DZIP1L: variants seen among roughly 807,000 people sequenced by gnomAD.
DZIP1L encodes the protein cilium assembly protein DZIP1L.
DZIP1L carries 90 observed loss-of-function variants against 88.7 expected under a neutral mutation model. That is an observed-to-expected ratio of 1.02 (90% CI 0.86 to 1.21). The LOEUF is 1.21. DZIP1L is among the 50% of genes most tolerant of loss of function. The pLI, the probability that DZIP1L is intolerant of heterozygous loss-of-function variation, is 0.00. For missense variants in DZIP1L, 932 were observed against 955.8 expected, an observed-to-expected ratio of 0.98 and a Z score of 0.33; for synonymous variants, 363 against 372.1, an observed-to-expected ratio of 0.98 and a Z score of 0.28.
intron 15 of DZIP1L, 62 bp downstream of exon 15, chr3:138,064,566 C>T: frequency 1.2e-6 from 2 of 1,613,750 alleles, no homozygotes; most frequent in South Asian, 1.1e-5. Flanking sequence ...CCCAGGCCCC[C>T]CAAACTCAGA....
intron 6 of DZIP1L, among the ~76,000 whole-genome samples, chr3:138,087,707 A>G (rs774776037): frequency 3.3e-5 from 5 of 152,240 alleles, no homozygotes; most frequent in Non-Finnish European, 7.3e-5. Flanking sequence ...GCTAGACTTT[A>G]CATTTTTTCT....
chr3:138,105,003 T>C (rs2042440566), intron 1 of DZIP1L, among the ~76,000 whole-genome samples: 3 of 152,144 alleles, frequency 2.0e-5, no homozygotes, highest in Admixed American at 2.0e-4. Flanking sequence ...AAAGAAAAAG[T>C]AGAAGAAAGC....
intron 3 of DZIP1L, among the ~76,000 whole-genome samples, chr3:138,096,829 A>G (rs1944494533): frequency 6.6e-6 from 1 of 152,188 alleles, no homozygotes; most frequent in Non-Finnish European, 1.5e-5. Context: ...GTTTTACTTA[A>G]TGGCATTTTT....
intron 7 of DZIP1L, 125 bp from the exon 8 acceptor site, chr3:138,084,378 C>T: frequency 7.6e-7 from 1 of 1,308,860 alleles, no homozygotes; most frequent in Non-Finnish European, 1.0e-6. Context: ...GAGACCTGGA[C>T]AGGCTTTCTA....
rs556765378 is a variant in DZIP1L, at chr3:138,111,946, G to A, written c.-82+3382C>T. Among the ~76,000 whole-genome samples the A allele has an allele frequency of 2.0e-5, 3 of 151,166 alleles. 1 individual carries two copies. In the South Asian group the frequency reaches 6.3e-4, roughly 32 times the overall value. On this transcript the variant is annotated intron_variant, in intron 1 of 15. Coordinates refer to ENST00000327532, the MANE Select transcript of DZIP1L (RefSeq NM_173543.3). Reference sequence around the variant, plus strand: ...GGAGGTGGAAGTTGCAGTCAGCCGTGAGCAGAGACTGTGCCATTGCACTCC... The same window carrying A: ...GGAGGTGGAAGTTGCAGTCAGCCGTAAGCAGAGACTGTGCCATTGCACTCC...
Position 138,097,756 on chromosome 3 carries a change from G to A in DZIP1L, c.586+7C>T, listed in dbSNP as rs760856318. 1.9e-6 allele frequency: 3 copies of A among 1,608,326 alleles called. No homozygotes were observed. Among genetic ancestry groups the A allele is most frequent in the Non-Finnish European group, 2.5e-6 (3 of 1,177,452 alleles). ...CAGAAGGGGCCCGGGCTGCTGTCTGGACTCACCACCTTCTGCCACGCCTGC... is the reference window on the plus strand; with the variant it reads ...CAGAAGGGGCCCGGGCTGCTGTCTGAACTCACCACCTTCTGCCACGCCTGC... On this transcript the variant is annotated splice_region_variant and intron_variant, in intron 3 of 15. Coordinates refer to ENST00000327532, the MANE Select transcript of DZIP1L (RefSeq NM_173543.3).
In DZIP1L at chr3:138,064,652, AGCCCTCTGTGGCC is replaced by A; in HGVS notation, c.2105_2117del (p.Gly702ValfsTer71). ...CCTGAGGCTTCCTTCCTGGTGTGGC[AGCCCTCTGTGGCC>A]CAGCATTGGGCATAAAAAACAGACT... On this transcript the variant is annotated frameshift_variant, in exon 15 of 16. Coordinates refer to ENST00000327532, the MANE Select transcript of DZIP1L (RefSeq NM_173543.3). LOFTEE classifies it low-confidence loss of function (END_TRUNC). 1 of 1,614,164 alleles carries A rather than the reference AGCCCTCTGTGGCC, an allele frequency of 6.2e-7. No individual in the cohort carries two copies. The highest frequency in any genetic ancestry group is 8.5e-7 in the Non-Finnish European group (1 of 1,180,032).
intron 4 of DZIP1L, 45 bp from the exon 5 acceptor site, chr3:138,092,589 C>A: frequency 1.3e-6 from 2 of 1,514,274 alleles, no homozygotes; most frequent in Non-Finnish European, 8.8e-7. Context: ...TTCCACATTA[C>A]AGCAAATATT....
intron 1 of DZIP1L, among the ~76,000 whole-genome samples, chr3:138,107,821 C>T (rs2042539592): frequency 6.6e-6 from 1 of 152,188 alleles, no homozygotes; most frequent in Non-Finnish European, 1.5e-5. Context: ...CTCAGCATGG[C>T]TCCCTATTCC....
intron 3 of DZIP1L, among the ~76,000 whole-genome samples, chr3:138,096,036 T>C (rs1944453970): frequency 6.6e-6 from 1 of 152,236 alleles, no homozygotes; most frequent in Non-Finnish European, 1.5e-5. Flanking sequence ...CATACTGTTA[T>C]TAAAATTCTA....
At chr3:138,101,842 T>A (rs777046821) in intron 2 of DZIP1L, 9 of 1,307,870 alleles carry the variant, frequency 6.9e-6, no homozygotes, top group Non-Finnish European at 1.0e-5. Context: ...CATGTCCTGC[T>A]TGGCCCGCTG....
intron 1 of DZIP1L, among the ~76,000 whole-genome samples, chr3:138,104,718 C>A (rs566720781): frequency 3.9e-5 from 6 of 152,168 alleles, no homozygotes; most frequent in East Asian, 1.9e-4. Context: ...AAGAGAGTTA[C>A]GGAGTCTCTG....
intron 1 of DZIP1L, among the ~76,000 whole-genome samples, chr3:138,113,108 C>G (rs2042644690): frequency 6.6e-6 from 1 of 152,168 alleles, no homozygotes; most frequent in Non-Finnish European, 1.5e-5. Context: ...TTCAAACTTG[C>G]TTCATTGTTA....
At chr3:138,113,965 T>C (rs1232722028) in intron 1 of DZIP1L, among the ~76,000 whole-genome samples, 3 of 152,218 alleles carry the variant, frequency 2.0e-5, no homozygotes, top group East Asian at 1.9e-4. Context: ...GGGAGTGTTT[T>C]AGAGAAGAGG....
At chr3:138,087,075 G>A (rs776596141) in intron 6 of DZIP1L, 52 bp from the exon 7 acceptor site, 10 of 1,567,872 alleles carry the variant, frequency 6.4e-6, no homozygotes, top group Middle Eastern at 1.7e-4. Flanking sequence ...ATTAAAACAT[G>A]TTATAAAGCT....
chr3:138,100,222 T>C (rs1356046874), intron 2 of DZIP1L, among the ~76,000 whole-genome samples: 2 of 152,184 alleles, frequency 1.3e-5, no homozygotes, highest in Admixed American at 1.3e-4. Context: ...ATTTAATCAA[T>C]TATGCATGCT....
intron 2 of DZIP1L, among the ~76,000 whole-genome samples, chr3:138,103,266 TACAC>T (rs141152295): frequency 2.7e-5 from 4 of 150,214 alleles, no homozygotes; most frequent in African/African-American, 4.9e-5. Flanking sequence ...TACACACACA[TACAC>T]ACACACACAC....
intron 5 of DZIP1L, among the ~76,000 whole-genome samples, chr3:138,090,410 G>A (rs1212794668): frequency 6.6e-6 from 1 of 152,188 alleles, no homozygotes; most frequent in African/African-American, 2.4e-5. Flanking sequence ...GTGGGGGTCA[G>A]GAGATGTTTG....
intron 7 of DZIP1L, among the ~76,000 whole-genome samples, chr3:138,086,418 C>T (rs1208336538): frequency 6.6e-6 from 1 of 152,142 alleles, no homozygotes; most frequent in Non-Finnish European, 1.5e-5. Flanking sequence ...GAACCTGGGG[C>T]TCTTATGAAC....
Sources: allele counts gnomAD v4.1 joint callset (sites outside exome capture counted in the v4.1 genomes callset), GRCh38; gene constraint gnomAD v4.1.1; transcripts MANE v1.5; gene names NCBI Gene and HGNC (gene_info 2026-07-23, HGNC 2026-07-21).